The following UNC13C variants were observed in gnomAD, a reference collection of about 807,000 sequenced individuals.
UNC13C encodes unc-13 homolog C, also known as protein unc-13 homolog C.
In UNC13C, 174 loss-of-function variants were observed where a neutral mutation model predicts 245.4. The ratio of observed to expected loss-of-function variants is 0.71; its 90% CI spans 0.63 to 0.80. The LOEUF is 0.80. Ranked by LOEUF, UNC13C falls within the 30% of genes least tolerant of loss-of-function variation. The probability of loss-of-function intolerance (pLI) is 0.00; values close to 1 mark genes in which losing one functional copy is unlikely to be tolerated. For missense variants in UNC13C, 2,829 were observed against 2,602.9 expected (o/e 1.09, Z -1.89); for synonymous variants, 992 against 895.1 (o/e 1.11, Z -1.93).
intron 19 of UNC13C, among the ~76,000 whole-genome samples, chr15:54,434,606 C>T (rs1239732395): frequency 6.6e-6 from 1 of 151,638 alleles, no homozygotes; most frequent in Admixed American, 6.6e-5. Flanking sequence ...AAGACTTAAC[C>T]ATAAAACCGG....
At chr15:54,614,222 A>T (rs1289773693) in intron 30 of UNC13C, among the ~76,000 whole-genome samples, 4 of 151,930 alleles carry the variant, frequency 2.6e-5, no homozygotes, top group Non-Finnish European at 5.9e-5. Flanking sequence ...CATTATTGCT[A>T]GTGTCTTATT....
At chr15:54,497,089 C>G (rs982081047) in intron 20 of UNC13C, among the ~76,000 whole-genome samples, 1 of 152,038 alleles carries the variant, frequency 6.6e-6, no homozygotes, top group African/African-American at 2.4e-5. Context: ...AACAGAGGAG[C>G]TATTTGCCAG....
At chr15:54,612,020 C>A (rs1048375859) in intron 30 of UNC13C, among the ~76,000 whole-genome samples, 4 of 152,120 alleles carry the variant, frequency 2.6e-5, no homozygotes, top group African/African-American at 4.8e-5. Context: ...TCAGCAATTA[C>A]AAAATAAGTT....
chr15:54,443,430 T>G (rs1890641541), intron 19 of UNC13C, among the ~76,000 whole-genome samples: 1 of 152,074 alleles, frequency 6.6e-6, no homozygotes, highest in African/African-American at 2.4e-5. Context: ...TATTATTTCT[T>G]TCTTTCAACT....
chr15:54,526,649 C>A (rs1487547509), intron 25 of UNC13C, among the ~76,000 whole-genome samples: 1 of 147,544 alleles, frequency 6.8e-6, no homozygotes, highest in Non-Finnish European at 1.5e-5. Flanking sequence ...GAGGCTGAGG[C>A]AGGAGAATGG....
At chr15:54,103,229 A>G (rs565848134) in intron 2 of UNC13C, among the ~76,000 whole-genome samples, 171 of 152,288 alleles carry the variant, frequency 1.1e-3, no homozygotes, top group African/African-American at 4.0e-3. Flanking sequence ...TTACACATAG[A>G]CATACATCTC....
At chr15:53,955,517 C>G in the UNC13C span, among the ~76,000 whole-genome samples, 1 of 152,112 alleles carries the variant, frequency 6.6e-6, no homozygotes, top group Non-Finnish European at 1.5e-5. Context: ...GTAATTAGAG[C>G]AATCTACCCT....
At chr15:53,927,396 A>T in the UNC13C span, among the ~76,000 whole-genome samples, 1 of 152,186 alleles carries the variant, frequency 6.6e-6, no homozygotes, top group Non-Finnish European at 1.5e-5. Flanking sequence ...GAAATGATGC[A>T]TCAGTGAGGT....
At chr15:54,506,922 G>A (rs1372319715) in intron 22 of UNC13C, among the ~76,000 whole-genome samples, 195 bp from the exon 23 acceptor site, 1 of 151,994 alleles carries the variant, frequency 6.6e-6, no homozygotes, top group Non-Finnish European at 1.5e-5. Context: ...AATTAACATG[G>A]TTTATTTTCC....
At chr15:54,428,152 C>T (rs921859112) in intron 19 of UNC13C, among the ~76,000 whole-genome samples, 2 of 151,766 alleles carry the variant, frequency 1.3e-5, no homozygotes, top group African/African-American at 4.8e-5. Context: ...ACTTTGTAGA[C>T]TCAGATATCT....
intron 4 of UNC13C, among the ~76,000 whole-genome samples, chr15:54,216,680 C>G (rs959048699): frequency 1.3e-5 from 2 of 151,902 alleles, no homozygotes; most frequent in African/African-American, 4.8e-5. Flanking sequence ...CAACATGCCA[C>G]TTAGTTCAGT....
intron 18 of UNC13C, among the ~76,000 whole-genome samples, chr15:54,414,705 C>G (rs769204322): frequency 3.9e-5 from 6 of 151,964 alleles, no homozygotes; most frequent in African/African-American, 1.5e-4. Flanking sequence ...GAGACACAAA[C>G]ACTCATCACA....
rs191735250 is a variant in UNC13C, at chr15:54,411,358, C to G, written c.4848-3624C>G. 2.0e-3 allele frequency among the ~76,000 whole-genome samples: 302 copies of G among 152,120 alleles called. 2 individuals carry two copies. The highest frequency in any genetic ancestry group is 7.0e-3 in the African/African-American group (289 of 41,520). ...TTTTAATTCATGAAGTTCAATTTAT[C>G]AATATTTTATTTTATGGGTTTACAC... On this transcript the variant is annotated intron_variant, in intron 18 of 32. Coordinates refer to ENST00000260323, the MANE Select transcript of UNC13C (RefSeq NM_001080534.3).
intron 4 of UNC13C, among the ~76,000 whole-genome samples, chr15:54,146,395 C>T (rs1360569234): frequency 6.6e-6 from 1 of 152,120 alleles, no homozygotes; most frequent in Non-Finnish European, 1.5e-5. Flanking sequence ...TCTCTACACA[C>T]TAAAACCAAA....
rs556079076 is a variant in UNC13C, at chr15:54,321,881, TG to T, written c.4269-57del. ...TAATTGCTGATGTTAGAAGCTCTGT[TG>T]TTGTATGAATTAATTAATTTCTGTC... is the stretch of plus-strand genomic sequence containing the variant. On this transcript the variant is annotated intron_variant, in intron 13 of 32. Transcript: ENST00000260323. The T allele has an allele frequency of 2.9e-3, 4,262 of 1,480,714 alleles. 11 individuals carry two copies. Among genetic ancestry groups the T allele is most frequent in the Non-Finnish European group, 3.6e-3 (3,889 of 1,095,300 alleles). The allele number at this position is 1,480,714 out of a possible 1,614,324, so 91.7% of individuals were successfully genotyped here.
intron 30 of UNC13C, among the ~76,000 whole-genome samples, chr15:54,584,007 G>T (rs1395277855): frequency 6.6e-6 from 1 of 152,154 alleles, no homozygotes; most frequent in Non-Finnish European, 1.5e-5. Flanking sequence ...TCGGGCTCCT[G>T]CCGCTCTCTG....
intron 30 of UNC13C, among the ~76,000 whole-genome samples, chr15:54,570,102 T>C (rs147458281): frequency 3.9e-5 from 6 of 152,288 alleles, no homozygotes; most frequent in Non-Finnish European, 8.8e-5. Flanking sequence ...ATGCTTCCTA[T>C]ATGGTTGCAT....
chr15:54,234,999 T>C lies in UNC13C; in HGVS notation c.3072-31T>C, dbSNP rs1235020093. ...TTCTTACAAGAAGTCATTTTACCCATTGCAATTATTGGTTTTATTTTGTCT... is the reference window on the plus strand; with the variant it reads ...TTCTTACAAGAAGTCATTTTACCCACTGCAATTATTGGTTTTATTTTGTCT... On this transcript the variant is annotated intron_variant, in intron 4 of 32. Transcript: ENST00000260323. The C allele has an allele frequency of 3.8e-6, 6 of 1,594,836 alleles. No individual in the cohort carries two copies. The African/African-American group carries it at 5.4e-5, about 14-fold the overall frequency.
chr15:54,336,848 A>T (rs2141002548), intron 16 of UNC13C, among the ~76,000 whole-genome samples: 1 of 152,090 alleles, frequency 6.6e-6, no homozygotes, highest in East Asian at 1.9e-4. Context: ...CACCACTACC[A>T]TCCTGTCTTG....
Sources: gnomAD v4.1 joint callset for allele counts (sites outside exome capture counted in the v4.1 genomes callset) on GRCh38, gnomAD v4.1.1 for gene constraint, MANE v1.5 for transcripts, NCBI Gene and HGNC (gene_info 2026-07-23, HGNC 2026-07-21) for gene names.